ANKRD55: variants seen among roughly 807,000 people sequenced by gnomAD.
The protein encoded by ANKRD55 is ankyrin repeat domain 55.
A neutral mutation model predicts 60.6 loss-of-function variants in ANKRD55; 41 were observed. That is an observed-to-expected ratio of 0.68 (90% confidence interval 0.53 to 0.88). The LOEUF (loss-of-function observed/expected upper bound fraction) is 0.88. ANKRD55 is among the 40% of genes least tolerant of loss of function. ANKRD55 has a pLI of 0.00. For missense variants in ANKRD55, 732 were observed against 767.6 expected, an observed-to-expected ratio of 0.95 and a Z score of 0.55; for synonymous variants, 264 against 290.3, an observed-to-expected ratio of 0.91 and a Z score of 0.92.
chr5:56,146,738 C>G (rs1450760438), intron 6 of ANKRD55: 1 of 152,202 alleles, frequency 6.6e-6, no homozygotes, highest in African/African-American at 2.4e-5. Flanking sequence ...GTGCTCCAAA[C>G]AATCTTGTCC....
At chr5:56,220,764 G>C (rs2399694) in intron 2 of ANKRD55, among the ~76,000 whole-genome samples, 4 of 152,012 alleles carry the variant, frequency 2.6e-5, no homozygotes, top group Admixed American at 2.0e-4. Context: ...AGTGAGCCAA[G>C]ACCATGCCAT....
intron 10 of ANKRD55, among the ~76,000 whole-genome samples, chr5:56,102,910 AT>A (rs1756335009): frequency 1.3e-5 from 2 of 152,252 alleles, no homozygotes; most frequent in Non-Finnish European, 2.9e-5. Flanking sequence ...CATCTCTTAT[AT>A]ATTCATCAAA....
intron 2 of ANKRD55, among the ~76,000 whole-genome samples, chr5:56,210,487 G>A (rs1437078055): frequency 1.3e-5 from 2 of 148,674 alleles, no homozygotes; most frequent in Non-Finnish European, 3.0e-5. Flanking sequence ...GCGTGAACCC[G>A]GGAGGCGGAG....
At chr5:56,190,476 G>C (rs188359944) in intron 2 of ANKRD55, among the ~76,000 whole-genome samples, 2 of 152,204 alleles carry the variant, frequency 1.3e-5, no homozygotes, top group East Asian at 3.9e-4. Flanking sequence ...TTGGGTCTTT[G>C]ATCCATTTTG....
chr5:56,229,888 T>C (rs1440652222), intron 2 of ANKRD55, among the ~76,000 whole-genome samples: 1 of 150,884 alleles, frequency 6.6e-6, no homozygotes, highest in African/African-American at 2.5e-5. Context: ...GTTGTTATTA[T>C]TATTAGGAAG....
chr5:56,116,154 C>T (rs1370062406), intron 9 of ANKRD55, among the ~76,000 whole-genome samples: 1 of 152,132 alleles, frequency 6.6e-6, no homozygotes, highest in Non-Finnish European at 1.5e-5. Flanking sequence ...CGCACCTGGC[C>T]GCTCGGTTTT....
chr5:56,166,258 C>T (rs146221607), intron 5 of ANKRD55, among the ~76,000 whole-genome samples: 2 of 138,416 alleles, frequency 1.4e-5, no homozygotes, highest in East Asian at 2.2e-4. Flanking sequence ...TCTTTCTTTC[C>T]TTCCTTCCTT....
chr5:56,212,777 T>G (rs912131461), intron 2 of ANKRD55, among the ~76,000 whole-genome samples: 4 of 152,194 alleles, frequency 2.6e-5, no homozygotes, highest in African/African-American at 9.7e-5. Flanking sequence ...GCACTGACCA[T>G]CAGGGTTTGA....
At chr5:56,101,043 C>T (rs1374477840) in intron 11 of ANKRD55, among the ~76,000 whole-genome samples, 1 of 152,222 alleles carries the variant, frequency 6.6e-6, no homozygotes, top group Non-Finnish European at 1.5e-5. Flanking sequence ...TACTAACTCT[C>T]TGTGTGACCT....
chr5:56,110,767 TCACA>T (rs1277904696), intron 10 of ANKRD55: 1 of 251,296 alleles, frequency 4.0e-6, no homozygotes, highest in African/African-American at 2.2e-5. Flanking sequence ...TTAAAAACAA[TCACA>T]CAAACAAACT....
intron 9 of ANKRD55, among the ~76,000 whole-genome samples, chr5:56,113,374 T>G (rs1341338665): frequency 6.6e-6 from 1 of 152,226 alleles, no homozygotes; most frequent in African/African-American, 2.4e-5. Flanking sequence ...GTCCTTTAAC[T>G]TAATAATGTC....
At chr5:56,169,019 G>T (rs1159717509) in intron 5 of ANKRD55, among the ~76,000 whole-genome samples, 2 of 152,166 alleles carry the variant, frequency 1.3e-5, no homozygotes, top group East Asian at 3.9e-4. Flanking sequence ...ACCACATCTG[G>T]CTAATTTTTG....
At chr5:56,127,585 G>C in intron 7 of ANKRD55, 1 of 985,268 alleles carries the variant, frequency 1.0e-6, no homozygotes, top group Non-Finnish European at 1.2e-6. Flanking sequence ...TAAAAAGCTT[G>C]TTTCGGGGTA....
At chr5:56,191,937 A>G (rs796401148) in intron 2 of ANKRD55, among the ~76,000 whole-genome samples, 24 of 152,348 alleles carry the variant, frequency 1.6e-4, no homozygotes, top group African/African-American at 5.5e-4. Context: ...AGAAATGAGG[A>G]AGCATGATGT....
At chr5:56,144,826 A>G (rs555618529) in intron 6 of ANKRD55, among the ~76,000 whole-genome samples, 45 of 152,338 alleles carry the variant, frequency 3.0e-4, no homozygotes, top group Non-Finnish European at 6.2e-4. Context: ...GGCCAAAAAG[A>G]GCCAGCGTTA....
chr5:56,149,951 C>T (rs959137314), intron 6 of ANKRD55, among the ~76,000 whole-genome samples: 17 of 151,778 alleles, frequency 1.1e-4, no homozygotes, highest in Non-Finnish European at 1.3e-4. Flanking sequence ...AAGAGATTCT[C>T]CTGCCTCAGC....
intron 3 of ANKRD55, among the ~76,000 whole-genome samples, chr5:56,177,386 G>T (rs1758758946): frequency 6.6e-6 from 1 of 152,062 alleles, no homozygotes; most frequent in Non-Finnish European, 1.5e-5. Context: ...GTCAACAAGT[G>T]GTAATTATAA....
At chr5:56,195,454 T>C (rs994920772) in intron 2 of ANKRD55, among the ~76,000 whole-genome samples, 1 of 152,158 alleles carries the variant, frequency 6.6e-6, no homozygotes. Context: ...AAACAATTTC[T>C]TTTTTTGGAG....
chr5:56,193,193 A>G (rs772773823), intron 2 of ANKRD55: 16 of 808,262 alleles, frequency 2.0e-5, no homozygotes, highest in African/African-American at 5.2e-5. Context: ...ATATTTACTA[A>G]GCAAAGAAAG....
Sources: gnomAD v4.1 joint callset for allele counts (sites outside exome capture counted in the v4.1 genomes callset) on GRCh38, gnomAD v4.1.1 for gene constraint, MANE v1.5 for transcripts, NCBI Gene and HGNC (gene_info 2026-07-23, HGNC 2026-07-21) for gene names.